Variants in CNDP1 observed in about 807,000 individuals in gnomAD.
CNDP1 encodes beta-Ala-His dipeptidase.
In CNDP1, 44 loss-of-function variants were observed where a neutral mutation model predicts 58.1. The observed-to-expected ratio is 0.76, with a 90% confidence interval of 0.60 to 0.97. The LOEUF (loss-of-function observed/expected upper bound fraction) is 0.97, where lower values mean the gene tolerates loss of function less well. Ranked by LOEUF, CNDP1 falls within the 50% of genes least tolerant of loss-of-function variation. The pLI, the probability that CNDP1 is intolerant of heterozygous loss-of-function variation, is 0.00. For missense variants in CNDP1, 616 were observed against 655.1 expected (o/e 0.94, Z 0.65); for synonymous variants, 254 against 252.6 (o/e 1.01, Z -0.05).
At chr18:74,554,490 T>G (rs1312548222) in intron 1 of CNDP1, among the ~76,000 whole-genome samples, 1 of 152,204 alleles carries the variant, frequency 6.6e-6, no homozygotes, top group Non-Finnish European at 1.5e-5. Flanking sequence ...CAGCTCCCTG[T>G]GCACAAATTC....
chr18:74,555,589 G>T (rs1188159205), intron 1 of CNDP1, among the ~76,000 whole-genome samples: 4 of 152,144 alleles, frequency 2.6e-5, no homozygotes. Flanking sequence ...GAGGAATGCT[G>T]GCTCTTAGGC....
intron 1 of CNDP1, among the ~76,000 whole-genome samples, chr18:74,554,677 A>G (rs1980991924): frequency 6.6e-6 from 1 of 152,148 alleles, no homozygotes; most frequent in Non-Finnish European, 1.5e-5. Context: ...TACCCCAACA[A>G]GGGAGGAGGT....
chr18:74,551,909 GAAA>G (rs551878661), intron 1 of CNDP1, among the ~76,000 whole-genome samples: 1 of 133,452 alleles, frequency 7.5e-6, no homozygotes, highest in Non-Finnish European at 1.6e-5. Context: ...GATCGATTGC[GAAA>G]AAAAAAAACA....
intron 7 of CNDP1, among the ~76,000 whole-genome samples, chr18:74,575,355 G>A (rs530345251): frequency 6.5e-4 from 99 of 152,324 alleles, no homozygotes; most frequent in Middle Eastern, 3.4e-3. Flanking sequence ...CTGTCCTTAC[G>A]CAGAAGACTG....
chr18:74,572,790 C>CAAA (rs56059264), intron 7 of CNDP1, among the ~76,000 whole-genome samples: 181 of 59,716 alleles, frequency 3.0e-3, no homozygotes, highest in East Asian at 9.3e-3. Context: ...GACCCTGTAT[C>CAAA]AAAAAAAAAA....
At chr18:74,569,350 A>G (rs1360946219) in intron 6 of CNDP1, among the ~76,000 whole-genome samples, 1 of 152,162 alleles carries the variant, frequency 6.6e-6, no homozygotes, top group Non-Finnish European at 1.5e-5. Flanking sequence ...AAAAAGCCCA[A>G]CCTGTAGAAA....
chr18:74,539,435 C>A (rs939615511), intron 1 of CNDP1, among the ~76,000 whole-genome samples: 1 of 152,210 alleles, frequency 6.6e-6, no homozygotes, highest in African/African-American at 2.4e-5. Flanking sequence ...CGGAGGCTTC[C>A]TCATCTCTCA....
At chr18:74,566,746 G>A (rs1340254654) in intron 5 of CNDP1, among the ~76,000 whole-genome samples, 1 of 152,162 alleles carries the variant, frequency 6.6e-6, no homozygotes, top group Non-Finnish European at 1.5e-5. Flanking sequence ...CTTCTTCTGA[G>A]CCCTTCAGAC....
rs1981920836 is a variant in CNDP1 at position 74,586,650 on chromosome 18, A to C, written c.*2088A>C. On this transcript the variant is annotated 3_prime_UTR_variant, in exon 12 of 12. Transcript: ENST00000358821. ...GAATGAATAGTTATGGAAGTTGTAG[A>C]ATCTAGGATATTCCAACCCTGGATT... 1 of 152,170 alleles carries C rather than the reference A, an allele frequency of 6.6e-6. No individual in the cohort carries two copies. Among genetic ancestry groups the C allele is most frequent in the Admixed American group, 6.5e-5 (1 of 15,276 alleles). 9.4% of individuals were successfully genotyped at this position (152,170 alleles called of 1,614,324 possible). A position where few individuals can be genotyped will look rare whatever the true frequency, so the allele number is the denominator to read the frequency against.
intron 1 of CNDP1, among the ~76,000 whole-genome samples, chr18:74,541,127 G>A (rs933674081): frequency 6.6e-6 from 1 of 152,226 alleles, no homozygotes; most frequent in African/African-American, 2.4e-5. Context: ...TCTGAAAGTG[G>A]AGGGGGAAAT....
In CNDP1 at chr18:74,559,366, C is replaced by G. The variant is rs1981126533; in HGVS notation, c.197C>G (p.Pro66Arg). 1 of 1,613,976 alleles carries G rather than the reference C, an allele frequency of 6.2e-7. No homozygotes were observed. Among genetic ancestry groups the G allele is most frequent in the African/African-American group, 1.3e-5 (1 of 74,950 alleles). ...WVAIESDSVQPVPRFRQELFR... is the reference protein window; with the variant it reads ...WVAIESDSVQRVPRFRQELFR... ...GCCATCGAGAGCGACTCTGTCCAGC[C>G]TGTGCCTCGCTTCAGACAAGAGCTC... Residue 66 changes from proline (P) to arginine (R), a missense_variant, in exon 3 of 12, where the codon CCT (proline) becomes CGT (arginine). Pro to Arg is a moderately radical substitution (Grantham distance 103). Transcript: ENST00000358821.
chr18:74,573,765 C>T (rs1366775057), intron 7 of CNDP1, among the ~76,000 whole-genome samples: 2 of 152,350 alleles, frequency 1.3e-5, no homozygotes, highest in East Asian at 3.9e-4. Context: ...TTTTCGGCTG[C>T]GTGGCTTCAG....
chr18:74,544,511 G>A (rs1020862718), intron 1 of CNDP1, among the ~76,000 whole-genome samples: 1 of 152,072 alleles, frequency 6.6e-6, no homozygotes, highest in Non-Finnish European at 1.5e-5. Flanking sequence ...GAGGTCAGGA[G>A]TTCGAGACCA....
intron 3 of CNDP1, 134 bp downstream of exon 3, chr18:74,559,606 T>G: frequency 5.1e-6 from 4 of 782,330 alleles, no homozygotes; most frequent in Non-Finnish European, 7.8e-6. Context: ...CCAATGAAGA[T>G]GAAACATTCC....
chr18:74,578,812 A>C (rs1167431448), intron 9 of CNDP1, among the ~76,000 whole-genome samples: 3 of 152,194 alleles, frequency 2.0e-5, no homozygotes, highest in African/African-American at 7.2e-5. Context: ...AGAAGCAGAA[A>C]GTCTCAGGCC....
chr18:74,575,085 G>GAAGGAAGGAAAGA lies in CNDP1; in HGVS notation c.842-1781_842-1769dup, dbSNP rs769411891. Among the ~76,000 whole-genome samples, 685 of 146,954 alleles carry GAAGGAAGGAAAGA rather than the reference G, an allele frequency of 4.7e-3. 7 individuals are homozygous for GAAGGAAGGAAAGA. Among genetic ancestry groups the GAAGGAAGGAAAGA allele is most frequent in the African/African-American group, 0.016 (642 of 39,576 alleles). On this transcript the variant is annotated intron_variant, in intron 7 of 11. Transcript: ENST00000358821. ...AGAAGAAAGAAGGAAGGAAAGAAAG[G>GAAGGAAGGAAAGA]AAGGAAGGAAAGAAAAAAGAAGGAA...
intron 6 of CNDP1, among the ~76,000 whole-genome samples, chr18:74,568,550 G>C (rs376065103): frequency 3.9e-5 from 6 of 152,252 alleles, no homozygotes; most frequent in African/African-American, 1.4e-4. Flanking sequence ...CTGGGAGGGA[G>C]GGGGAGAATT....
intron 1 of CNDP1, among the ~76,000 whole-genome samples, chr18:74,546,722 C>T (rs1980769892): frequency 1.3e-5 from 2 of 152,238 alleles, no homozygotes; most frequent in African/African-American, 4.8e-5. Flanking sequence ...CCTCCTCCAT[C>T]CCCTGGCTTC....
chr18:74,569,587 C>T (rs1189685199), intron 6 of CNDP1, among the ~76,000 whole-genome samples: 1 of 152,102 alleles, frequency 6.6e-6, no homozygotes, highest in African/African-American at 2.4e-5. Context: ...AGCATCTCTG[C>T]CCTTAAATTA....
Sources: allele counts gnomAD v4.1 joint callset (sites outside exome capture counted in the v4.1 genomes callset), GRCh38; gene constraint gnomAD v4.1.1; transcripts MANE v1.5; gene names NCBI Gene and HGNC (gene_info 2026-07-23, HGNC 2026-07-21).